The following PDE11A variants were observed in gnomAD, a reference collection of about 807,000 sequenced individuals.
The protein encoded by PDE11A is dual 3',5'-cyclic-AMP and -GMP phosphodiesterase 11A.
A neutral mutation model predicts 100.5 loss-of-function variants in PDE11A; 100 were observed. That is an observed-to-expected ratio of 1.00 (90% CI 0.85 to 1.18). PDE11A has a LOEUF of 1.18. Ranked by LOEUF, PDE11A falls within the 50% of genes most tolerant of loss-of-function variation. The probability of loss-of-function intolerance (pLI) is 0.00; values close to 1 mark genes in which losing one functional copy is unlikely to be tolerated. For synonymous variants in PDE11A, 381 were observed against 420.8 expected (o/e 0.91, Z 1.16); for missense variants, 1,141 against 1,152.6 (o/e 0.99, Z 0.15).
chr2:177,836,019 C>A (rs879565771), intron 6 of PDE11A, among the ~76,000 whole-genome samples: 2 of 152,224 alleles, frequency 1.3e-5, no homozygotes, highest in Non-Finnish European at 2.9e-5. Context: ...CTCTGCAGCA[C>A]CCGGTCCTAT....
At chr2:177,634,474 C>T (rs561067573) in intron 19 of PDE11A, among the ~76,000 whole-genome samples, 1 of 151,464 alleles carries the variant, frequency 6.6e-6, no homozygotes, top group South Asian at 2.1e-4. Context: ...CTCCAAGCTC[C>T]GCCTCCCTGG....
At chr2:178,005,920 A>G (rs1018567402) in intron 2 of PDE11A, among the ~76,000 whole-genome samples, 1 of 152,208 alleles carries the variant, frequency 6.6e-6, no homozygotes, top group African/African-American at 2.4e-5. Context: ...AGCATTTATC[A>G]TTTCCTTGGT....
At chr2:178,035,590 G>C (rs1334648881) in intron 1 of PDE11A, among the ~76,000 whole-genome samples, 1 of 152,132 alleles carries the variant, frequency 6.6e-6, no homozygotes, top group African/African-American at 2.4e-5. Context: ...GAAATTTTCA[G>C]GCCAATGTCC....
chr2:177,647,644 G>C (rs1203596625), intron 19 of PDE11A, among the ~76,000 whole-genome samples: 1 of 152,126 alleles, frequency 6.6e-6, no homozygotes. Flanking sequence ...TTCTGAGACG[G>C]GGAGGAACCA....
In PDE11A at chr2:177,845,846, C is replaced by T. The variant is rs981371933; in HGVS notation, c.1368-5463G>A. 1.2e-4 allele frequency among the ~76,000 whole-genome samples: 18 copies of T among 152,348 alleles called. No homozygotes were observed. In the East Asian group the frequency reaches 3.1e-3, roughly 26 times the overall value. On this transcript the variant is annotated intron_variant, in intron 5 of 19. Transcript: ENST00000286063. The stretch of plus-strand genomic sequence containing the variant: ...GGGCTGGAGACCGGCCTGGCCAACA[C>T]AGCGAAACCCCGTCTCCACCAAAAC...
intron 1 of PDE11A, among the ~76,000 whole-genome samples, chr2:178,053,263 C>A (rs1199888985): frequency 1.3e-5 from 2 of 152,184 alleles, no homozygotes; most frequent in East Asian, 3.9e-4. Context: ...ATGACAAAAA[C>A]CACATGATTA....
intron 5 of PDE11A, among the ~76,000 whole-genome samples, chr2:177,844,354 C>A (rs761107238): frequency 1.2e-4 from 18 of 151,982 alleles, no homozygotes; most frequent in Non-Finnish European, 2.4e-4. Context: ...TGATTCCATT[C>A]ATAAGAGCTC....
At chr2:177,840,437 G>A in intron 5 of PDE11A, 54 bp from the exon 6 acceptor site, 1 of 1,526,706 alleles carries the variant, frequency 6.6e-7, no homozygotes, top group South Asian at 1.1e-5. Flanking sequence ...AAGTTTTCTT[G>A]AAAGGAAACC....
At chr2:177,679,171 G>A in intron 16 of PDE11A, among the ~76,000 whole-genome samples, 1 of 151,966 alleles carries the variant, frequency 6.6e-6, no homozygotes, top group Non-Finnish European at 1.5e-5. Flanking sequence ...TTAATACTTG[G>A]AAGGTGACTG....
At position 178,072,297 on chromosome 2, in the gene PDE11A, CCCCTGA is replaced by C; in HGVS notation, c.135_140del (p.Gln46_Gly47del). 1 of 1,614,052 alleles carries C rather than the reference CCCCTGA, an allele frequency of 6.2e-7. No homozygotes were observed. Among genetic ancestry groups the C allele is most frequent in the East Asian group, 2.2e-5 (1 of 44,876 alleles). Reference sequence around the variant, plus strand: ...CCAAAGAGGGCCTTGGACCTAAAGCCCCCTGACCCTGACTGTGCCTCTGCAGCCACT... The same window carrying C: ...CCAAAGAGGGCCTTGGACCTAAAGCCCCCTGACTGTGCCTCTGCAGCCACT... On this transcript the variant is annotated inframe_deletion, in exon 1 of 20. Coordinates refer to ENST00000286063, the MANE Select transcript of PDE11A (RefSeq NM_016953.4).
At chr2:177,937,353 T>C (rs1301870831) in intron 2 of PDE11A, among the ~76,000 whole-genome samples, 1 of 139,720 alleles carries the variant, frequency 7.2e-6, no homozygotes, top group Admixed American at 8.1e-5. Context: ...AGTCTTGCAC[T>C]GTCACCTGGG....
Position 177,825,556 on chromosome 2 carries a change from G to T in PDE11A, c.1501-5261C>A, listed in dbSNP as rs186044742. ...TCATGTAACCATATGAAAAGGCAAG[G>T]CCCAGGAGTCCATTTTATCCTCTGC... On this transcript the variant is annotated intron_variant, in intron 6 of 19. Transcript: ENST00000286063. 7.1e-4 allele frequency among the ~76,000 whole-genome samples: 108 copies of T among 152,310 alleles called. 1 individual carries two copies. The highest frequency in any genetic ancestry group is 5.2e-3 in the East Asian group (27 of 5,186).
At chr2:178,045,013 A>G (rs1433410987) in intron 1 of PDE11A, among the ~76,000 whole-genome samples, 1 of 152,218 alleles carries the variant, frequency 6.6e-6, no homozygotes, top group East Asian at 1.9e-4. Flanking sequence ...TCAATAGATC[A>G]CCGGTATGGC....
At chr2:177,771,332 C>T (rs903411835) in intron 9 of PDE11A, among the ~76,000 whole-genome samples, 14 of 152,208 alleles carry the variant, frequency 9.2e-5, no homozygotes, top group African/African-American at 3.1e-4. Context: ...TAACATTCAA[C>T]CTAATAACCT....
rs1574115013 is a variant in PDE11A, at chr2:177,761,141, G to C, written c.1788+8182C>G. 2.6e-5 allele frequency among the ~76,000 whole-genome samples: 4 copies of C among 152,218 alleles called. No individual in the cohort carries two copies. In the South Asian group the frequency reaches 8.3e-4, roughly 32 times the overall value. On this transcript the variant is annotated intron_variant, in intron 10 of 19. Coordinates refer to ENST00000286063, the MANE Select transcript of PDE11A (RefSeq NM_016953.4). ...ATCAACTAAGAGTTAAAGGGCAAGG[G>C]GCTTTTGCCTCCAGCGGGGAAGAGA...
At chr2:177,755,135 G>A (rs966124364) in intron 10 of PDE11A, among the ~76,000 whole-genome samples, 4 of 152,188 alleles carry the variant, frequency 2.6e-5, no homozygotes, top group African/African-American at 9.7e-5. Flanking sequence ...TTAGTGAGGA[G>A]TTCCTGGACC....
Position 178,105,281 on chromosome 2 carries a change from G to A in PDE11A, c.-13-805C>T, listed in dbSNP as rs191748102. Among the ~76,000 whole-genome samples the A allele has an allele frequency of 2.5e-3, 383 of 152,258 alleles. 2 individuals carry two copies. The highest frequency in any genetic ancestry group is 2.8e-3 in the Non-Finnish European group (191 of 68,010). On this transcript the variant is annotated intron_variant, in intron 1 of 20. Transcript: ENST00000358450. ...TCGAGATCAGCCCGGCCAAGATGGT[G>A]AAACCCCATCTCTACTAAAAATACA...
intron 4 of PDE11A, among the ~76,000 whole-genome samples, chr2:177,892,279 A>G (rs1287112814): frequency 6.6e-6 from 1 of 152,132 alleles, no homozygotes; most frequent in Non-Finnish European, 1.5e-5. Context: ...GGTATGAACT[A>G]GAAATCCAGC....
intron 1 of PDE11A, among the ~76,000 whole-genome samples, chr2:178,016,033 C>T (rs912961477): frequency 6.6e-6 from 1 of 151,610 alleles, no homozygotes; most frequent in African/African-American, 2.4e-5. Flanking sequence ...CATTTGATCT[C>T]GGTTCACTGC....
Sources: allele counts gnomAD v4.1 joint callset (sites outside exome capture counted in the v4.1 genomes callset), GRCh38; gene constraint gnomAD v4.1.1; transcripts MANE v1.5; gene names NCBI Gene and HGNC (gene_info 2026-07-23, HGNC 2026-07-21).